CNTNAP5: variants seen among roughly 807,000 people sequenced by gnomAD.
The protein encoded by CNTNAP5 is contactin-associated protein-like 5.
A neutral mutation model predicts 150.2 loss-of-function variants in CNTNAP5; 72 were observed. The observed-to-expected ratio is 0.48, with a 90% CI of 0.40 to 0.58. The LOEUF (loss-of-function observed/expected upper bound fraction) is 0.58. Ranked by LOEUF, CNTNAP5 falls within the 20% of genes least tolerant of loss-of-function variation. CNTNAP5 has a pLI of 0.00. For synonymous variants in CNTNAP5, 672 were observed against 619.8 expected (o/e 1.08, Z -1.25); for missense variants, 1,636 against 1,626.2 (o/e 1.01, Z -0.10).
Position 124,523,599 on chromosome 2 carries a change from A to G in CNTNAP5, c.1328-704A>G, listed in dbSNP as rs885163. Among the ~76,000 whole-genome samples the G allele has an allele frequency of 4.8e-3, 730 of 152,234 alleles. 6 individuals are homozygous for G. Among genetic ancestry groups the G allele is most frequent in the African/African-American group, 0.017 (700 of 41,532 alleles). On this transcript the variant is annotated intron_variant, in intron 8 of 23. Transcript: ENST00000682447. The stretch of plus-strand genomic sequence containing the variant: ...GGAGAGAAAAGAACCTTACAAAAGC[A>G]CCCACCTTTCTCCCAGTGCCTTTAG...
At chr2:124,763,607 A>T in intron 14 of CNTNAP5, 65 bp from the exon 15 acceptor site, 2 of 1,510,680 alleles carry the variant, frequency 1.3e-6, no homozygotes. Context: ...AAGAGGGGTC[A>T]TGGAAAAGAG....
chr2:124,656,033 C>T (rs544556741), intron 13 of CNTNAP5, among the ~76,000 whole-genome samples: 1 of 144,408 alleles, frequency 6.9e-6, no homozygotes, highest in African/African-American at 2.6e-5. Context: ...GGAGGGCACA[C>T]CTTGGTGACA....
At chr2:124,698,642 T>C (rs998939491) in intron 13 of CNTNAP5, among the ~76,000 whole-genome samples, 1 of 152,088 alleles carries the variant, frequency 6.6e-6, no homozygotes, top group Non-Finnish European at 1.5e-5. Context: ...GGGGAGGTCT[T>C]CTATGCTTCT....
rs562270585 is a variant in CNTNAP5 at position 124,714,507 on chromosome 2, T to C, written c.2078-32722T>C. Among the ~76,000 whole-genome samples the C allele has an allele frequency of 3.7e-4, 56 of 152,094 alleles. 1 individual carries two copies. The highest frequency in any genetic ancestry group is 1.3e-3 in the African/African-American group (53 of 41,422). On this transcript the variant is annotated intron_variant, in intron 13 of 23. Coordinates refer to ENST00000682447, the MANE Select transcript of CNTNAP5 (RefSeq NM_001367498.1). ...GGTTCCATGTGTCTCATAGTGTTAC[T>C]TCAAAGGCAAAGGCATTACCTTCAA...
chr2:124,070,927 A>G (rs1457491290), intron 1 of CNTNAP5, among the ~76,000 whole-genome samples: 1 of 152,058 alleles, frequency 6.6e-6, no homozygotes, highest in Non-Finnish European at 1.5e-5. Flanking sequence ...GATTATTCTC[A>G]AGGATAGACC....
At chr2:124,595,847 T>G (rs1428242080) in intron 11 of CNTNAP5, among the ~76,000 whole-genome samples, 4 of 137,834 alleles carry the variant, frequency 2.9e-5, no homozygotes, top group African/African-American at 1.1e-4. Flanking sequence ...AGATTCAACT[T>G]CTTCCTGGTT....
intron 19 of CNTNAP5, among the ~76,000 whole-genome samples, chr2:124,826,106 A>G (rs1377394750): frequency 1.3e-5 from 2 of 152,214 alleles, no homozygotes; most frequent in Non-Finnish European, 2.9e-5. Flanking sequence ...TTTTAAAAAA[A>G]AAACTGAATC....
intron 19 of CNTNAP5, among the ~76,000 whole-genome samples, chr2:124,803,302 G>A (rs956427936): frequency 1.3e-5 from 2 of 151,988 alleles, no homozygotes; most frequent in African/African-American, 4.8e-5. Context: ...ATAAATTAGT[G>A]TTCTCCAGCA....
chr2:124,600,064 C>T (rs183400130), intron 11 of CNTNAP5, among the ~76,000 whole-genome samples: 146 of 152,136 alleles, frequency 9.6e-4, no homozygotes, highest in African/African-American at 3.3e-3. Context: ...ATGTGTTAGG[C>T]AAGCAATGTA....
At chr2:124,906,728 T>C (rs1008036145) in intron 22 of CNTNAP5, among the ~76,000 whole-genome samples, 1 of 152,174 alleles carries the variant, frequency 6.6e-6, no homozygotes, top group Non-Finnish European at 1.5e-5. Context: ...TTAACAAATT[T>C]GGTAACCTGA....
At chr2:124,095,745 T>C (rs1029432781) in intron 1 of CNTNAP5, among the ~76,000 whole-genome samples, 9 of 152,180 alleles carry the variant, frequency 5.9e-5, no homozygotes, top group African/African-American at 1.9e-4. Context: ...ATTGCCTTGA[T>C]TTTTTGATTT....
chr2:124,824,537 G>A (rs537347903), intron 19 of CNTNAP5, among the ~76,000 whole-genome samples: 146 of 152,180 alleles, frequency 9.6e-4, no homozygotes, highest in African/African-American at 3.3e-3. Flanking sequence ...ATCAGGGGAG[G>A]CTTCACTCAG....
In CNTNAP5 at chr2:124,920,964, A is replaced by G. The variant is rs1034246919; in HGVS notation, c.*6676A>G. Among the ~76,000 whole-genome samples the G allele has an allele frequency of 2.0e-5, 3 of 152,106 alleles. No individual in the cohort carries two copies. Among genetic ancestry groups the G allele is most frequent in the Admixed American group, 6.6e-5 (1 of 15,254 alleles). ...CACAAAACAGGTCATCTTTTTGTGG[A>G]AATGCTGGAGTCTACCTTTTCCTTT... On this transcript the variant is annotated 3_prime_UTR_variant, in exon 24 of 24. Transcript: ENST00000682447.
chr2:124,237,665 T>G (rs1424765646), intron 2 of CNTNAP5, among the ~76,000 whole-genome samples: 1 of 152,026 alleles, frequency 6.6e-6, no homozygotes, highest in Non-Finnish European at 1.5e-5. Context: ...GGTGAAACCC[T>G]GTTTCTACTA....
intron 23 of CNTNAP5, among the ~76,000 whole-genome samples, chr2:124,913,856 A>G (rs1162265055): frequency 2.6e-5 from 4 of 152,054 alleles, no homozygotes; most frequent in African/African-American, 7.2e-5. Flanking sequence ...AAAACCTTCT[A>G]TGGTTGAAAG....
At chr2:124,377,702 AT>A (rs1690685957) in intron 3 of CNTNAP5, among the ~76,000 whole-genome samples, 1 of 150,210 alleles carries the variant, frequency 6.7e-6, no homozygotes, top group Admixed American at 6.6e-5. Context: ...AGAAAAAAAA[AT>A]AAATGCACCT....
intron 3 of CNTNAP5, among the ~76,000 whole-genome samples, chr2:124,258,680 C>T (rs1448383548): frequency 1.3e-5 from 2 of 152,242 alleles, no homozygotes; most frequent in South Asian, 2.1e-4. Flanking sequence ...TGTGACTGTG[C>T]TATCCTGTGC....
chr2:124,662,780 G>A (rs931770910), intron 13 of CNTNAP5, among the ~76,000 whole-genome samples: 10 of 152,134 alleles, frequency 6.6e-5, no homozygotes, highest in South Asian at 2.1e-4. Context: ...CATACTATAC[G>A]TAGTTGATTA....
At chr2:124,197,443 A>AT (rs1163519308) in intron 1 of CNTNAP5, among the ~76,000 whole-genome samples, 2 of 152,128 alleles carry the variant, frequency 1.3e-5, no homozygotes, top group African/African-American at 4.8e-5. Context: ...GTGCTGAATG[A>AT]TTTTCCTTTG....
Sources: gnomAD v4.1 joint callset for allele counts (sites outside exome capture counted in the v4.1 genomes callset) on GRCh38, gnomAD v4.1.1 for gene constraint, MANE v1.5 for transcripts, NCBI Gene and HGNC (gene_info 2026-07-23, HGNC 2026-07-21) for gene names.